The following LAMA2 variants were observed in gnomAD, a reference collection of about 807,000 sequenced individuals.
LAMA2 encodes laminin subunit alpha-2.
In LAMA2, 269 loss-of-function variants were observed where a neutral mutation model predicts 364.8. The ratio of observed to expected loss-of-function variants is 0.74; its 90% CI spans 0.67 to 0.82. The LOEUF (loss-of-function observed/expected upper bound fraction) is 0.82, where lower values mean the gene tolerates loss of function less well. LAMA2 is among the 40% of genes least tolerant of loss of function. The probability of loss-of-function intolerance (pLI) is 0.00; values close to 1 mark genes in which losing one functional copy is unlikely to be tolerated. For synonymous variants in LAMA2, 1,379 were observed against 1,370.6 expected (o/e 1.01, Z -0.14); for missense variants, 3,807 against 3,873.2 (o/e 0.98, Z 0.45).
chr6:128,914,117 A>G (rs1436783669), intron 1 of LAMA2, among the ~76,000 whole-genome samples: 1 of 152,204 alleles, frequency 6.6e-6, no homozygotes. Flanking sequence ...AATGTCCATA[A>G]ATAATTTTGA....
At chr6:128,890,464 C>A (rs1039047731) in intron 1 of LAMA2, among the ~76,000 whole-genome samples, 1 of 151,756 alleles carries the variant, frequency 6.6e-6, no homozygotes, top group Non-Finnish European at 1.5e-5. Flanking sequence ...GTTAGTCTAT[C>A]ATATCCAGAG....
intron 27 of LAMA2, among the ~76,000 whole-genome samples, chr6:129,317,969 C>T (rs1373164614): frequency 6.7e-6 from 1 of 150,150 alleles, no homozygotes; most frequent in African/African-American, 2.5e-5. Flanking sequence ...CAAATGAGAT[C>T]TTTTGGTTTA....
intron 34 of LAMA2, among the ~76,000 whole-genome samples, chr6:129,379,712 G>A (rs915516412): frequency 2.0e-5 from 3 of 152,168 alleles, no homozygotes; most frequent in Non-Finnish European, 2.9e-5. Flanking sequence ...TGGCTAGAAA[G>A]CAGTGTAGTT....
chr6:129,301,939 G>A (rs376710404), intron 22 of LAMA2, among the ~76,000 whole-genome samples: 5 of 151,978 alleles, frequency 3.3e-5, no homozygotes, highest in African/African-American at 1.2e-4. Flanking sequence ...CCTTCACTTG[G>A]TGTTACGTTT....
chr6:129,158,547 T>A (rs564177660), intron 8 of LAMA2: 14 of 1,613,964 alleles, frequency 8.7e-6, no homozygotes, highest in Non-Finnish European at 1.2e-5. Context: ...CTGTTCCAAA[T>A]CACGATTGTA....
At chr6:129,307,073 G>A (rs1363839988) in intron 22 of LAMA2, among the ~76,000 whole-genome samples, 1 of 152,092 alleles carries the variant, frequency 6.6e-6, no homozygotes. Context: ...TTTCTTTAAA[G>A]AATGTTGAAC....
intron 49 of LAMA2, 53 bp from the exon 50 acceptor site, chr6:129,464,237 A>G: frequency 6.7e-7 from 1 of 1,502,832 alleles, no homozygotes; most frequent in Admixed American, 1.7e-5. Flanking sequence ...GCATTGAATA[A>G]TGACAGACTG....
rs1773726280 is a variant in LAMA2, at chr6:129,077,304, C to G, written c.396+17408C>G. 1.3e-5 allele frequency among the ~76,000 whole-genome samples: 2 copies of G among 151,970 alleles called. 1 individual carries two copies. Among genetic ancestry groups the G allele is most frequent in the Admixed American group, 1.3e-4 (2 of 15,250 alleles). On this transcript the variant is annotated intron_variant, in intron 3 of 64. Transcript: ENST00000421865. ...ATGGGAATGTTTATAAAACGAAATA[C>G]AAAAATTAAGAAATGGAGTGGGCAA...
chr6:129,265,570 A>G (rs1376414332), intron 15 of LAMA2, among the ~76,000 whole-genome samples: 9 of 152,062 alleles, frequency 5.9e-5, no homozygotes, highest in Admixed American at 5.3e-4. Flanking sequence ...CAAAAAATGT[A>G]ATGGGGAGAA....
chr6:129,464,258 A>T, intron 49 of LAMA2, 32 bp from the exon 50 acceptor site: 1 of 1,577,946 alleles, frequency 6.3e-7, no homozygotes, highest in Non-Finnish European at 8.7e-7. Context: ...AATAGATATG[A>T]TCTGATTCAT....
At chr6:129,446,514 AGAGGG>A (rs1250985055) in intron 45 of LAMA2, among the ~76,000 whole-genome samples, 2,146 of 50,936 alleles carry the variant, frequency 0.042, 142 homozygotes, top group East Asian at 0.081. Flanking sequence ...GAAGGGGAGG[AGAGGG>A]GAGGGGAGGG....
chr6:129,491,793 C>T (rs1784875341), intron 56 of LAMA2, 108 bp from the exon 57 acceptor site: 12 of 939,382 alleles, frequency 1.3e-5, no homozygotes. Context: ...TTTTGGCTCC[C>T]TTAAAAGCTA....
chr6:129,225,559 A>T (rs973298558), intron 12 of LAMA2, among the ~76,000 whole-genome samples: 1 of 152,190 alleles, frequency 6.6e-6, no homozygotes, highest in African/African-American at 2.4e-5. Flanking sequence ...GTTTCAAAGA[A>T]CATCTTTATT....
intron 14 of LAMA2, among the ~76,000 whole-genome samples, chr6:129,254,004 T>G (rs1424377523): frequency 6.6e-6 from 1 of 152,246 alleles, no homozygotes; most frequent in Non-Finnish European, 1.5e-5. Context: ...AAAGTCGGCA[T>G]GAATCTGGAG....
At chr6:129,331,605 C>T (rs1226889928) in intron 29 of LAMA2, among the ~76,000 whole-genome samples, 3 of 152,006 alleles carry the variant, frequency 2.0e-5, no homozygotes, top group Admixed American at 6.6e-5. Flanking sequence ...ACCCCTCTCC[C>T]GCTTGATGAC....
At chr6:129,006,394 T>C (rs1208235003) in intron 1 of LAMA2, among the ~76,000 whole-genome samples, 1 of 152,210 alleles carries the variant, frequency 6.6e-6, no homozygotes, top group East Asian at 1.9e-4. Flanking sequence ...TATTTTCTTT[T>C]ACCCGATTCA....
chr6:129,074,071 T>C (rs1469477834), intron 3 of LAMA2, among the ~76,000 whole-genome samples: 4 of 152,216 alleles, frequency 2.6e-5, no homozygotes, highest in Admixed American at 1.3e-4. Context: ...GTTTCTAGTT[T>C]ACTCTTAGTT....
chr6:129,397,305 G>T (rs1164341806), intron 37 of LAMA2, among the ~76,000 whole-genome samples: 1 of 151,906 alleles, frequency 6.6e-6, no homozygotes, highest in Non-Finnish European at 1.5e-5. Flanking sequence ...CCTATCTTAG[G>T]TATTTTATAT....
intron 34 of LAMA2, among the ~76,000 whole-genome samples, chr6:129,378,531 A>G (rs954320376): frequency 6.6e-6 from 1 of 152,192 alleles, no homozygotes; most frequent in Non-Finnish European, 1.5e-5. Flanking sequence ...ATATATCTAG[A>G]TGATGTTCTG....
Sources: allele counts gnomAD v4.1 joint callset (sites outside exome capture counted in the v4.1 genomes callset), GRCh38; gene constraint gnomAD v4.1.1; transcripts MANE v1.5; gene names NCBI Gene and HGNC (gene_info 2026-07-23, HGNC 2026-07-21).